The following PRRG3 variants were observed in gnomAD, a reference collection of about 807,000 sequenced individuals.
The protein encoded by PRRG3 is proline rich and Gla domain 3.
Under a neutral mutation model 15.8 loss-of-function variants are expected in PRRG3, and 21 were observed. The ratio of observed to expected loss-of-function variants is 1.33; its 90% CI spans 0.94 to 1.92. The LOEUF is 1.92. Among genes scored for constraint, PRRG3 ranks in the 40% most tolerant of loss-of-function variants. The pLI is 0.00. For synonymous variants in PRRG3, 125 were observed against 84.1 expected, an observed-to-expected ratio of 1.49 and a Z score of -2.66; for missense variants, 251 against 200.2, an observed-to-expected ratio of 1.25 and a Z score of -1.53.
At chrX:151,697,300 C>T (rs932926575) in intron 1 of PRRG3, among the ~76,000 whole-genome samples, 1 of 109,880 alleles carries the variant, frequency 9.1e-6, no homozygotes, top group Non-Finnish European at 1.9e-5. Context: ...GCTGGGACTA[C>T]AGGCATGCAC....
At position 151,701,454 on chromosome X, in the gene PRRG3, G is replaced by A. The variant is rs147126920; in HGVS notation, c.*421G>A. On this transcript the variant is annotated 3_prime_UTR_variant, in exon 4 of 4. Coordinates refer to ENST00000674457, the MANE Select transcript of PRRG3 (RefSeq NM_001372163.1). The stretch of plus-strand genomic sequence containing the variant: ...CTCTGGGCCTCAGGGGTAAGGGAAG[G>A]AAGCCAGCCTTTCAGCACCCCTTAC... 0.01 allele frequency: 1,315 copies of A among 127,208 alleles called. 12 individuals are homozygous for A. The highest frequency in any genetic ancestry group is 0.016 in the Non-Finnish European group (997 of 63,206). 10.5% of individuals were successfully genotyped at this position (127,208 alleles called of 1,213,427 possible).
In PRRG3 at chrX:151,700,155, C is replaced by T. The variant is rs759401226; in HGVS notation, c.167C>T (p.Thr56Met). Residue 56 changes from threonine (T) to methionine (M), a missense_variant and splice_region_variant, in exon 3 of 4, where the codon ACG (threonine) becomes ATG (methionine). Physicochemically the swap from Thr to Met is moderately conservative, Grantham distance 81 (BLOSUM62 -1). Transcript: ENST00000674457. ...GAAGTGTTTGAGAACAAAGAGAAAA[C>T]GGCATGTACCACCCTGGGGCTGGTT... ...VKEVFENKEKTMEFWKGYPNA... is the reference protein window; with the variant it reads ...VKEVFENKEKMMEFWKGYPNA... 1.5e-5 allele frequency: 18 copies of T among 1,210,234 alleles called. No homozygotes were observed. Among genetic ancestry groups the T allele is most frequent in the South Asian group, 5.3e-5 (3 of 56,824 alleles).
At chrX:151,698,850 G>A (rs764611166) in intron 2 of PRRG3, 29 bp downstream of exon 2, 55 of 1,181,975 alleles carry the variant, frequency 4.7e-5, no homozygotes, top group South Asian at 2.6e-4. Flanking sequence ...GGGCAGAGCC[G>A]TGGAGGGCCA....
chrX:151,698,452 G>A (rs755909127), intron 1 of PRRG3: 101 of 155,163 alleles, frequency 6.5e-4, no homozygotes, highest in Admixed American at 2.2e-3. Flanking sequence ...AGCAAGGAAG[G>A]AGGAGCCTCA....
chrX:151,699,695 T>C (rs2014828363), intron 2 of PRRG3, among the ~76,000 whole-genome samples: 1 of 113,202 alleles, frequency 8.8e-6, no homozygotes, highest in Non-Finnish European at 1.9e-5. Flanking sequence ...TTCTTTCTTG[T>C]TCCTGTGCAA....
At chrX:151,698,338 T>G (rs1001966257) in intron 1 of PRRG3, 5 of 113,851 alleles carry the variant, frequency 4.4e-5, no homozygotes, top group African/African-American at 1.6e-4. Flanking sequence ...CCACTGTCAC[T>G]GTTGATTTGC....
intron 3 of PRRG3, 160 bp downstream of exon 3, chrX:151,700,316 AT>A (rs756211472): frequency 1.7e-6 from 2 of 1,147,410 alleles, no homozygotes. Context: ...GTACAGTCCC[AT>A]TGCCTGACTC....
upstream of PRRG3, among the ~76,000 whole-genome samples, chrX:151,694,972 C>A (rs775272785): frequency 2.1e-4 from 23 of 109,555 alleles, no homozygotes; most frequent in South Asian, 1.8e-3. Context: ...GCGGCGCCGG[C>A]AGAGTGGGGC....
chrX:151,703,868 T>G lies in PRRG3; in HGVS notation c.*2835T>G, dbSNP rs1414252531. 2.2e-3 allele frequency: 22 copies of G among 9,992 alleles called. 1 individual carries two copies. The highest frequency in any genetic ancestry group is 6.2e-3 in the African/African-American group (14 of 2,269). The allele number at this position is 9,992 out of a possible 1,213,427, so 0.8% of individuals were successfully genotyped here. A position where few individuals can be genotyped will look rare whatever the true frequency, so the allele number is the denominator to read the frequency against. Reference sequence around the variant, plus strand: ...TACTCCTGGGCATGGTTTTTTTTTTTTTTTTTTTTTTTTTTTTTTTTTTTT... The same window carrying G: ...TACTCCTGGGCATGGTTTTTTTTTTGTTTTTTTTTTTTTTTTTTTTTTTTT... On this transcript the variant is annotated 3_prime_UTR_variant, in exon 4 of 4. Coordinates refer to ENST00000674457, the MANE Select transcript of PRRG3 (RefSeq NM_001372163.1).
At chrX:151,697,088 C>CTTCT in intron 1 of PRRG3, among the ~76,000 whole-genome samples, 1 of 80,907 alleles carries the variant, frequency 1.2e-5, no homozygotes, top group Non-Finnish European at 2.3e-5. Context: ...TCCTTCCTTC[C>CTTCT]TTCCTTCCTC....
At position 151,704,136 on chromosome X, in the gene PRRG3, C is replaced by T. The variant is rs1004314418; in HGVS notation, c.*3103C>T. The T allele has an allele frequency of 9.1e-6, 1 of 109,696 alleles. No individual in the cohort carries two copies. The highest frequency in any genetic ancestry group is 1.9e-5 in the Non-Finnish European group (1 of 52,699). The allele number at this position is 109,696 out of a possible 1,213,427, so 9.0% of individuals were successfully genotyped here. A position where few individuals can be genotyped will look rare whatever the true frequency, so the allele number is the denominator to read the frequency against. ...GAAATCCTGTCCCTCCCCCGCTTCC[C>T]ATCGCCTCCGGTTTTCAAAATGAAA... On this transcript the variant is annotated 3_prime_UTR_variant, in exon 4 of 4. Coordinates refer to ENST00000674457, the MANE Select transcript of PRRG3 (RefSeq NM_001372163.1).
In PRRG3 at chrX:151,701,926, G is replaced by A. The variant is rs946776597; in HGVS notation, c.*893G>A. 11 of 112,719 alleles carry A rather than the reference G, an allele frequency of 9.8e-5. No homozygotes were observed. Among genetic ancestry groups the A allele is most frequent in the East Asian group, 2.8e-4 (1 of 3,585 alleles). The allele number at this position is 112,719 out of a possible 1,213,427, so 9.3% of individuals were successfully genotyped here. A position where few individuals can be genotyped will look rare whatever the true frequency, so the allele number is the denominator to read the frequency against. ...GAGGATTTCTCCTTAACGATGGTGCGCATCTCAGGAGAAGATCCTAAAGTG... is the reference window on the plus strand; with the variant it reads ...GAGGATTTCTCCTTAACGATGGTGCACATCTCAGGAGAAGATCCTAAAGTG... On this transcript the variant is annotated 3_prime_UTR_variant, in exon 4 of 4. Transcript: ENST00000674457.
In PRRG3 at chrX:151,700,165, C is replaced by T; in HGVS notation, c.168+9C>T. 8.3e-7 allele frequency: 1 copy of T among 1,211,846 alleles called. No homozygotes were observed. The highest frequency in any genetic ancestry group is 1.1e-6 in the Non-Finnish European group (1 of 895,533). ...AGAACAAAGAGAAAACGGCATGTACCACCCTGGGGCTGGTTCTGGGAGTAG... is the reference window on the plus strand; with the variant it reads ...AGAACAAAGAGAAAACGGCATGTACTACCCTGGGGCTGGTTCTGGGAGTAG... On this transcript the variant is annotated intron_variant, in intron 3 of 3. Coordinates refer to ENST00000674457, the MANE Select transcript of PRRG3 (RefSeq NM_001372163.1).
At chrX:151,697,077 C>CTCCTTCCTTCCTTCCTTCCTTCCTTCCT (rs1353224699) in intron 1 of PRRG3, among the ~76,000 whole-genome samples, 3 of 41,774 alleles carry the variant, frequency 7.2e-5, no homozygotes, top group South Asian at 2.2e-3. Context: ...CCCTTCCCTT[C>CTCCTTCCTTCCTTCCTTCCTTCCTTCCT]TCCTTCCTTC....
At chrX:151,698,586 T>A in intron 1 of PRRG3, 198 bp from the exon 2 acceptor site, 1 of 323,464 alleles carries the variant, frequency 3.1e-6, no homozygotes, top group Non-Finnish European at 5.4e-6. Flanking sequence ...CCTGGGGAGG[T>A]CTCTGGAGAA....
rs1242639298 is a variant in PRRG3 at position 151,700,984 on chromosome X, C to A, written c.647C>A (p.Pro216His). The change falls in exon 4 of 4, where the codon CCC becomes CAC. Residue 216 changes from proline (P) to histidine (H), a missense_variant. Coordinates refer to ENST00000674457, the MANE Select transcript of PRRG3 (RefSeq NM_001372163.1). The part of the protein sequence containing the change: ...EEASVSYSDP[P>H]PKYEEIVAAN... ...GCCAGCGTGTCTTACAGTGACCCAC[C>A]CCCAAAGTACGAGGAGATAGTGGCC... 2 of 1,181,519 alleles carry A rather than the reference C, an allele frequency of 1.7e-6. No homozygotes were observed. Among genetic ancestry groups the A allele is most frequent in the South Asian group, 1.9e-5 (1 of 51,793 alleles).
At chrX:151,696,777 T>C in intron 1 of PRRG3, among the ~76,000 whole-genome samples, 1 of 110,325 alleles carries the variant, frequency 9.1e-6, no homozygotes, top group East Asian at 2.9e-4. Context: ...GCAAGCAGAA[T>C]TTTGAGATCA....
At chrX:151,699,338 C>T (rs776704278) in intron 2 of PRRG3, among the ~76,000 whole-genome samples, 101 of 112,527 alleles carry the variant, frequency 9.0e-4, no homozygotes, top group African/African-American at 3.0e-3. Context: ...TTCTGTGCCC[C>T]GTCTGTAAAA....
chrX:151,700,020 A>G lies in PRRG3; in HGVS notation c.32A>G (p.His11Arg). Reference sequence around the variant, plus strand: ...GTGTTTCTGGAGGCCAAGGATGCCCATTCGGTCCTGAAACGATTCCCTCGT... The same window carrying G: ...GTGTTTCTGGAGGCCAAGGATGCCCGTTCGGTCCTGAAACGATTCCCTCGT... MAVFLEAKDA[H>R]SVLKRFPRAN... The change falls in exon 3 of 4, where the codon CAT becomes CGT. Residue 11 changes from histidine to arginine, a missense_variant. By Grantham distance (29) the His-to-Arg change is conservative. Transcript: ENST00000674457. 8.3e-7 allele frequency: 1 copy of G among 1,210,226 alleles called. No homozygotes were observed. The highest frequency in any genetic ancestry group is 1.1e-6 in the Non-Finnish European group (1 of 894,395).
Sources: gnomAD v4.1 joint callset for allele counts (sites outside exome capture counted in the v4.1 genomes callset) on GRCh38, gnomAD v4.1.1 for gene constraint, MANE v1.5 for transcripts, NCBI Gene and HGNC (gene_info 2026-07-23, HGNC 2026-07-21) for gene names.